HMCN2: variants seen among roughly 807,000 people sequenced by gnomAD.
The protein encoded by HMCN2 is hemicentin 2.
Under a neutral mutation model 377.5 loss-of-function variants are expected in HMCN2, and 325 were observed. The observed-to-expected ratio is 0.86, with a 90% CI of 0.79 to 0.94. The LOEUF (loss-of-function observed/expected upper bound fraction) is 0.94. Among genes scored for constraint, HMCN2 ranks in the 40% least tolerant of loss-of-function variants. The pLI, the probability that HMCN2 is intolerant of heterozygous loss-of-function variation, is 0.00. For synonymous variants in HMCN2, 2,007 were observed against 2,046.8 expected (o/e 0.98, Z 0.53); for missense variants, 4,543 against 4,725.3 (o/e 0.96, Z 1.13).
intron 85 of HMCN2, among the ~76,000 whole-genome samples, chr9:130,412,160 C>T (rs987951424): frequency 6.6e-6 from 1 of 152,092 alleles, no homozygotes; most frequent in Non-Finnish European, 1.5e-5. Context: ...TTAGTAGAAA[C>T]GGGGTTTCAC....
chr9:130,356,426 C>T lies in HMCN2; in HGVS notation c.5425+169C>T, dbSNP rs377172875. On this transcript the variant is annotated intron_variant, in intron 34 of 97. Transcript: ENST00000683500. The stretch of plus-strand genomic sequence containing the variant: ...AGAGACGCAGGTGTGAGAGGCTGGC[C>T]GGGCCACTTATCACACTTATCCTCA... 12 of 384,282 alleles carry T rather than the reference C, an allele frequency of 3.1e-5. No individual in the cohort carries two copies. The East Asian group carries it at 6.5e-4, about 21-fold the overall frequency. The allele number at this position is 384,282 out of a possible 1,614,324, so 23.8% of individuals were successfully genotyped here.
chr9:130,299,841 AC>A (rs1836395206), intron 8 of HMCN2, among the ~76,000 whole-genome samples: 3 of 140,374 alleles, frequency 2.1e-5, no homozygotes, highest in Non-Finnish European at 4.9e-5. Flanking sequence ...TCATCCATCC[AC>A]CCACCCATTC....
intron 73 of HMCN2, among the ~76,000 whole-genome samples, chr9:130,396,560 A>G (rs1225488781): frequency 6.6e-6 from 1 of 152,056 alleles, no homozygotes; most frequent in Non-Finnish European, 1.5e-5. Flanking sequence ...ATGGTTTTAA[A>G]GCTTCTCTCA....
chr9:130,413,716 G>A (rs1843536325), intron 85 of HMCN2, among the ~76,000 whole-genome samples: 1 of 152,034 alleles, frequency 6.6e-6, no homozygotes, highest in Non-Finnish European at 1.5e-5. Context: ...ACCACCAGTG[G>A]GCTCAGACAC....
At chr9:130,334,779 CCCTCTTCCTCTCTCTCT>C in intron 22 of HMCN2, among the ~76,000 whole-genome samples, 1 of 140,726 alleles carries the variant, frequency 7.1e-6, no homozygotes, top group Non-Finnish European at 1.6e-5. Context: ...CTCTCTCTCT[CCCTCTTCCTCTCTCTCT>C]CTCTTCTCTC....
chr9:130,433,726 G>A lies in HMCN2; in HGVS notation c.*33G>A, dbSNP rs2131849321. 7.1e-7 allele frequency: 1 copy of A among 1,402,946 alleles called. No individual in the cohort carries two copies. The highest frequency in any genetic ancestry group is 3.0e-5 in the East Asian group (1 of 33,140). The allele number at this position is 1,402,946 out of a possible 1,614,324, so 86.9% of individuals were successfully genotyped here. A position where few individuals can be genotyped will look rare whatever the true frequency, so the allele number is the denominator to read the frequency against. On this transcript the variant is annotated 3_prime_UTR_variant, in exon 98 of 98. Coordinates refer to ENST00000683500, the MANE Select transcript of HMCN2 (RefSeq NM_001291815.2). Reference sequence around the variant, plus strand: ...AGGGCATTGGCGGCCGCCCTGGCGTGACCCCCGAGGAAGGGGTCGAGGAGA... The same window carrying A: ...AGGGCATTGGCGGCCGCCCTGGCGTAACCCCCGAGGAAGGGGTCGAGGAGA...
chr9:130,395,947 G>A lies in HMCN2; in HGVS notation c.10935G>A (p.Pro3645=), dbSNP rs1007948537. The A allele has an allele frequency of 8.5e-6, 11 of 1,287,338 alleles. No homozygotes were observed. Among genetic ancestry groups the A allele is most frequent in the Non-Finnish European group, 8.1e-6 (8 of 988,682 alleles). 79.7% of individuals were successfully genotyped at this position (1,287,338 alleles called of 1,614,324 possible). A position where few individuals can be genotyped will look rare whatever the true frequency, so the allele number is the denominator to read the frequency against. The part of the protein sequence containing the change: ...VLQEDAHTQF[P]ERGRFLQLQA... Reference sequence around the variant, plus strand: ...AGGAGGACGCCCACACACAATTCCCGGAGCGGGGCAGGTTCCTCCAGCTGC... The same window carrying A: ...AGGAGGACGCCCACACACAATTCCCAGAGCGGGGCAGGTTCCTCCAGCTGC... Residue 3645 remains proline (P), a synonymous_variant, in exon 72 of 98, where the codon CCG becomes CCA. Transcript: ENST00000683500.
At chr9:130,306,647 G>C (rs1836875785) in intron 12 of HMCN2, among the ~76,000 whole-genome samples, 164 bp from the exon 13 acceptor site, 1 of 142,670 alleles carries the variant, frequency 7.0e-6, no homozygotes, top group South Asian at 2.1e-4. Flanking sequence ...TTACCTCTCT[G>C]AGCCTCGAGA....
In HMCN2 at chr9:130,308,389, A is replaced by G. The variant is rs1407383593; in HGVS notation, c.2200+823A>G. On this transcript the variant is annotated intron_variant, in intron 14 of 97. Coordinates refer to ENST00000683500, the MANE Select transcript of HMCN2 (RefSeq NM_001291815.2). The surrounding 1 kb of genome is among the most constrained non-coding windows in gnomAD (Gnocchi z 4.1). ...AGGGTTGTCCTGAGGCCCTGAGGTC[A>G]TGGGCAGAGCGTTTTCACGGTGCCT... is the stretch of plus-strand genomic sequence containing the variant. 6.6e-6 allele frequency among the ~76,000 whole-genome samples: 1 copy of G among 152,208 alleles called. No individual in the cohort carries two copies. The highest frequency in any genetic ancestry group is 2.4e-5 in the African/African-American group (1 of 41,436).
intron 61 of HMCN2, among the ~76,000 whole-genome samples, chr9:130,387,165 G>A (rs1476580654): frequency 2.6e-5 from 4 of 152,232 alleles, no homozygotes; most frequent in Non-Finnish European, 4.4e-5. Flanking sequence ...GATTGGACAT[G>A]TGGCTCCAGC....
At chr9:130,268,915 A>G (rs781979258) in intron 1 of HMCN2, among the ~76,000 whole-genome samples, 1 of 149,032 alleles carries the variant, frequency 6.7e-6, no homozygotes, top group Non-Finnish European at 1.5e-5. Context: ...GGCTGTGAAC[A>G]GCCACCGAGG....
chr9:130,379,495 G>A (rs1210268296), intron 54 of HMCN2, 28 bp downstream of exon 54: 1 of 968,414 alleles, frequency 1.0e-6, no homozygotes, highest in Non-Finnish European at 1.2e-6. Flanking sequence ...GAAGAAAGTG[G>A]GCGCTTTGAG....
chr9:130,365,126 C>T (rs1285842219), intron 41 of HMCN2, among the ~76,000 whole-genome samples: 1 of 152,232 alleles, frequency 6.6e-6, no homozygotes, highest in Non-Finnish European at 1.5e-5. Context: ...CCCCCTACAC[C>T]TTGTGATATG....
At chr9:130,375,307 G>T (rs977319238) in intron 49 of HMCN2, among the ~76,000 whole-genome samples, 9 of 152,298 alleles carry the variant, frequency 5.9e-5, no homozygotes, top group African/African-American at 2.2e-4. Flanking sequence ...GAAGCTATGG[G>T]GAAATGGAGG....
chr9:130,326,673 C>T (rs1838149376), intron 21 of HMCN2, among the ~76,000 whole-genome samples: 2 of 152,146 alleles, frequency 1.3e-5, no homozygotes, highest in African/African-American at 4.8e-5. Flanking sequence ...TTTGATGTCC[C>T]CAACTGGCTA....
At chr9:130,373,186 G>A (rs1419169002) in intron 48 of HMCN2, 62 bp downstream of exon 48, 14 of 562,710 alleles carry the variant, frequency 2.5e-5, no homozygotes, top group Non-Finnish European at 3.2e-5. Flanking sequence ...CAGAAAGGAG[G>A]GGATCCCTGG....
At chr9:130,276,669 C>T (rs1834711754) in intron 1 of HMCN2, among the ~76,000 whole-genome samples, 1 of 152,172 alleles carries the variant, frequency 6.6e-6, no homozygotes, top group African/African-American at 2.4e-5. Flanking sequence ...GCAGAACCAC[C>T]CACCCAGTTG....
At chr9:130,322,616 G>A (rs1190060784) in intron 19 of HMCN2, among the ~76,000 whole-genome samples, 1 of 152,034 alleles carries the variant, frequency 6.6e-6, no homozygotes, top group Non-Finnish European at 1.5e-5. Flanking sequence ...CCACACCCCG[G>A]GTATGAACAG....
chr9:130,366,467 A>ATTTTTTTT (rs71499234), intron 43 of HMCN2, among the ~76,000 whole-genome samples: 3 of 82,976 alleles, frequency 3.6e-5, no homozygotes, highest in Non-Finnish European at 6.5e-5. Flanking sequence ...CACTTCACCA[A>ATTTTTTTT]TTTTTTTTTT....
Sources: allele counts gnomAD v4.1 joint callset (sites outside exome capture counted in the v4.1 genomes callset), GRCh38; gene constraint gnomAD v4.1.1; non-coding constraint Gnocchi (gnomAD v3.1); transcripts MANE v1.5; gene names NCBI Gene and HGNC (gene_info 2026-07-23, HGNC 2026-07-21).